RIT2: variants seen among roughly 807,000 people sequenced by gnomAD.
RIT2 encodes GTP-binding protein Rit2.
Under a neutral mutation model 23.7 loss-of-function variants are expected in RIT2, and 24 were observed. That is an observed-to-expected ratio of 1.01 (90% CI 0.73 to 1.43). RIT2 has a LOEUF of 1.43. RIT2 is among the 40% of genes most tolerant of loss of function. The pLI is 0.00. For synonymous variants in RIT2, 107 were observed against 91.1 expected (o/e 1.17, Z -0.99); for missense variants, 236 against 266.9 (o/e 0.88, Z 0.81).
chr18:43,029,303 G>T (rs1313085494), intron 2 of RIT2, among the ~76,000 whole-genome samples: 1 of 152,018 alleles, frequency 6.6e-6, no homozygotes, highest in Non-Finnish European at 1.5e-5. Flanking sequence ...ATTACAAGAG[G>T]AAGTGTTCCT....
At chr18:43,072,112 A>G (rs9944996) in intron 1 of RIT2, among the ~76,000 whole-genome samples, 78 of 152,142 alleles carry the variant, frequency 5.1e-4, no homozygotes, top group African/African-American at 1.8e-3. Flanking sequence ...CAGCCTCCCA[A>G]GAAGCTGAGA....
At chr18:43,039,782 T>A (rs1308620207) in intron 1 of RIT2, among the ~76,000 whole-genome samples, 2 of 152,236 alleles carry the variant, frequency 1.3e-5, no homozygotes, top group Admixed American at 1.3e-4. Context: ...AGGCCAACTA[T>A]ATTCTCCTAT....
chr18:43,049,856 C>T (rs1327295334), intron 1 of RIT2, among the ~76,000 whole-genome samples: 1 of 151,454 alleles, frequency 6.6e-6, no homozygotes, highest in Non-Finnish European at 1.5e-5. Context: ...GTAAGGTGTA[C>T]AGCTTGCAGA....
Position 43,086,890 on chromosome 18 carries a change from T to C in RIT2, c.103+28527A>G, listed in dbSNP as rs78800584. 9.0e-3 allele frequency among the ~76,000 whole-genome samples: 1,368 copies of C among 152,286 alleles called. 39 individuals carry two copies. The highest frequency in any genetic ancestry group is 0.031 in the African/African-American group (1,303 of 41,562). The stretch of plus-strand genomic sequence containing the variant: ...AGTGCAATTAGAGCTCAAATCTTCC[T>C]GCAGGACAGTGACTATGTCACGTTC... On this transcript the variant is annotated intron_variant, in intron 1 of 4. Coordinates refer to ENST00000326695, the MANE Select transcript of RIT2 (RefSeq NM_002930.4).
chr18:42,784,285 A>T (rs914575930), intron 4 of RIT2, among the ~76,000 whole-genome samples: 3 of 146,216 alleles, frequency 2.1e-5, no homozygotes, highest in African/African-American at 5.3e-5. Flanking sequence ...AAAAAAAAAA[A>T]ATTAATCTTA....
At chr18:42,768,811 C>A (rs1347056665) in intron 4 of RIT2, among the ~76,000 whole-genome samples, 1 of 152,100 alleles carries the variant, frequency 6.6e-6, no homozygotes, top group Non-Finnish European at 1.5e-5. Context: ...ACATACCTTT[C>A]AATGATAGAT....
intron 3 of RIT2, among the ~76,000 whole-genome samples, chr18:42,946,673 C>T (rs1012560538): frequency 6.6e-6 from 1 of 151,776 alleles, no homozygotes; most frequent in Non-Finnish European, 1.5e-5. Flanking sequence ...TATGAAAGAC[C>T]TAGAAACTAG....
chr18:43,092,594 CCTT>C (rs2144362300), intron 1 of RIT2, among the ~76,000 whole-genome samples: 1 of 152,098 alleles, frequency 6.6e-6, no homozygotes, highest in African/African-American at 2.4e-5. Flanking sequence ...CATACTAAGT[CCTT>C]CTTCAGATCA....
At chr18:43,053,597 G>A (rs1912433971) in intron 1 of RIT2, among the ~76,000 whole-genome samples, 1 of 151,964 alleles carries the variant, frequency 6.6e-6, no homozygotes, top group Non-Finnish European at 1.5e-5. Context: ...GAGCTGGGAG[G>A]AAGGGACTCA....
chr18:42,780,057 T>G (rs954749810), intron 4 of RIT2, among the ~76,000 whole-genome samples: 13 of 135,206 alleles, frequency 9.6e-5, no homozygotes, highest in African/African-American at 3.5e-4. Context: ...GTTTTTTTTT[T>G]TTTTTTTTTT....
At chr18:42,866,243 G>A (rs1429637496) in intron 4 of RIT2, among the ~76,000 whole-genome samples, 1 of 152,028 alleles carries the variant, frequency 6.6e-6, no homozygotes, top group Non-Finnish European at 1.5e-5. Context: ...CACATGTCTT[G>A]TTATCAATCC....
At chr18:42,881,909 CT>C (rs1907905477) in intron 4 of RIT2, among the ~76,000 whole-genome samples, 1 of 152,214 alleles carries the variant, frequency 6.6e-6, no homozygotes, top group African/African-American at 2.4e-5. Context: ...TACATTTTTA[CT>C]TGTCATCTCA....
At chr18:42,988,798 C>G (rs1020938495) in intron 2 of RIT2, among the ~76,000 whole-genome samples, 2 of 152,154 alleles carry the variant, frequency 1.3e-5, no homozygotes, top group Non-Finnish European at 2.9e-5. Context: ...GAGAGAAATA[C>G]TGCTAATAGA....
At position 42,923,780 on chromosome 18, in the gene RIT2, A is replaced by AT. The variant is rs773235643; in HGVS notation, c.235-18_235-17insA. ...GAATTCTGCCTGCAGGAAAAAAAAA[A>AT]AAAAATTAGTTATGGGCTTTCAATA... On this transcript the variant is annotated splice_polypyrimidine_tract_variant and intron_variant, in intron 3 of 4. Coordinates refer to ENST00000326695, the MANE Select transcript of RIT2 (RefSeq NM_002930.4). 4.1e-5 allele frequency: 65 copies of AT among 1,581,920 alleles called. No homozygotes were observed. The Admixed American group carries it at 8.4e-4, about 20-fold the overall frequency.
chr18:42,943,458 G>C (rs1386801486), intron 3 of RIT2, among the ~76,000 whole-genome samples: 1 of 152,046 alleles, frequency 6.6e-6, no homozygotes, highest in East Asian at 1.9e-4. Flanking sequence ...AGGAGGTACT[G>C]CTGACAATTT....
At chr18:42,905,920 A>T (rs921134357) in intron 4 of RIT2, among the ~76,000 whole-genome samples, 5 of 150,108 alleles carry the variant, frequency 3.3e-5, no homozygotes, top group Middle Eastern at 7.1e-3. Context: ...AAAAAAAAAA[A>T]ATATTTATAA....
At chr18:42,797,941 T>C (rs534046166) in intron 4 of RIT2, among the ~76,000 whole-genome samples, 1 of 152,356 alleles carries the variant, frequency 6.6e-6, no homozygotes, top group Admixed American at 6.5e-5. Flanking sequence ...TGGCTGATTC[T>C]CTATACTCTT....
At chr18:42,783,205 C>A (rs1410487470) in intron 4 of RIT2, among the ~76,000 whole-genome samples, 2 of 151,868 alleles carry the variant, frequency 1.3e-5, no homozygotes, top group African/African-American at 4.8e-5. Context: ...AATAAGGAAA[C>A]CAAGGCAAAA....
chr18:42,846,509 T>TC (rs1178740427), intron 4 of RIT2, among the ~76,000 whole-genome samples: 1 of 151,752 alleles, frequency 6.6e-6, no homozygotes, highest in African/African-American at 2.4e-5. Context: ...AAAATTAGAG[T>TC]CCAATCTCAC....
Sources: gnomAD v4.1 joint callset for allele counts (sites outside exome capture counted in the v4.1 genomes callset) on GRCh38, gnomAD v4.1.1 for gene constraint, MANE v1.5 for transcripts, NCBI Gene and HGNC (gene_info 2026-07-23, HGNC 2026-07-21) for gene names.